STRN4: variants seen among roughly 807,000 people sequenced by gnomAD.
STRN4 encodes the protein striatin 4.
Under a neutral mutation model 77.9 loss-of-function variants are expected in STRN4, and 27 were observed. The observed-to-expected ratio is 0.35, with a 90% CI of 0.26 to 0.48. The LOEUF (loss-of-function observed/expected upper bound fraction) is 0.48. STRN4 is among the 20% of genes least tolerant of loss of function. STRN4 has a pLI of 0.99. For synonymous variants in STRN4, 466 were observed against 443.1 expected (o/e 1.05, Z -0.65); for missense variants, 798 against 1,049.7 (o/e 0.76, Z 3.31).
At chr19:46,736,979 C>A in intron 3 of STRN4, 78 bp from the exon 4 acceptor site, 1 of 1,450,168 alleles carries the variant, frequency 6.9e-7, no homozygotes, top group Non-Finnish European at 9.6e-7. Context: ...CTTCCTCACC[C>A]CTCCAACCCA....
intron 1 of STRN4, 107 bp downstream of exon 1, chr19:46,746,042 G>T: frequency 1.1e-6 from 1 of 919,680 alleles, no homozygotes; most frequent in Non-Finnish European, 1.4e-6. Context: ...CCCCCCCGCC[G>T]GCCGTCCCGG....
At chr19:46,729,210 A>C (rs533834295) in intron 6 of STRN4, among the ~76,000 whole-genome samples, 10 of 152,126 alleles carry the variant, frequency 6.6e-5, no homozygotes, top group Non-Finnish European at 1.5e-5. Flanking sequence ...AGCAAATTCC[A>C]CTCACTGAAT....
intron 3 of STRN4, among the ~76,000 whole-genome samples, chr19:46,737,422 C>T (rs2054388730): frequency 6.6e-6 from 1 of 152,178 alleles, no homozygotes. Flanking sequence ...AAAGACCTGC[C>T]CTTGTGGAAC....
intron 1 of STRN4, 95 bp downstream of exon 1, chr19:46,746,054 G>C: frequency 3.4e-6 from 4 of 1,172,850 alleles, no homozygotes; most frequent in African/African-American, 1.7e-5. Flanking sequence ...CCGTCCCGGC[G>C]GCCATTGCTC....
At position 46,745,465 on chromosome 19, in the gene STRN4, C is replaced by T. The variant is rs2054565497; in HGVS notation, c.282+684G>A. Among the ~76,000 whole-genome samples, 4 of 152,140 alleles carry T rather than the reference C, an allele frequency of 2.6e-5. No homozygotes were observed. The South Asian group carries it at 8.3e-4, about 31-fold the overall frequency. On this transcript the variant is annotated intron_variant, in intron 1 of 17. Coordinates refer to ENST00000263280, the MANE Select transcript of STRN4 (RefSeq NM_013403.3). ...GGACCCCTTGAAACCCTCCTCCCAC[C>T]CCTCGGGTCCTTACACAGCCCTCCT...
At chr19:46,740,872 A>G (rs1044298170) in intron 1 of STRN4, among the ~76,000 whole-genome samples, 2 of 152,276 alleles carry the variant, frequency 1.3e-5, no homozygotes, top group East Asian at 3.9e-4. Context: ...AAGAGGCGAC[A>G]ATTCAGCTAA....
At chr19:46,744,333 C>A (rs945792774) in intron 1 of STRN4, among the ~76,000 whole-genome samples, 4 of 152,202 alleles carry the variant, frequency 2.6e-5, no homozygotes, top group African/African-American at 9.7e-5. Flanking sequence ...CCTCAGCCAC[C>A]ACAAGTGAGG....
Position 46,729,892 on chromosome 19 carries a change from T to G in STRN4, c.879+840A>C, listed in dbSNP as rs1178900325. ...AAGACAAAGAAGTGTGGGCCAGAACTCACGCAGCTGGGCCAGGGCCCCCTG... is the reference window on the plus strand; with the variant it reads ...AAGACAAAGAAGTGTGGGCCAGAACGCACGCAGCTGGGCCAGGGCCCCCTG... On this transcript the variant is annotated intron_variant, in intron 6 of 17. Coordinates refer to ENST00000263280, the MANE Select transcript of STRN4 (RefSeq NM_013403.3). Among the ~76,000 whole-genome samples the G allele has an allele frequency of 2.0e-5, 3 of 152,056 alleles. No homozygotes were observed. In the East Asian group the frequency reaches 5.8e-4, roughly 29 times the overall value.
chr19:46,720,651 G>A lies in STRN4; in HGVS notation c.2213C>T (p.Ala738Val). The change falls in exon 17 of 18, where the codon GCC becomes GTC. Residue 738 changes from alanine (A) to valine (V), a missense_variant. By Grantham distance (64) the Ala-to-Val change is moderately conservative. This residue lies in a region of STRN4 where 287 missense variants were observed against 473.8 expected (regional missense o/e 0.61). Transcript: ENST00000263280. Reference protein sequence around the residue: ...IHAVACHPSKALIASAGADAL... With the variant: ...IHAVACHPSKVLIASAGADAL... The stretch of plus-strand genomic sequence containing the variant: ...ATCAGCGCCAGCACTGGCAATGAGG[G>A]CCTTGCTGGGGTGGCAGGCAACAGC... The A allele has an allele frequency of 1.2e-6, 2 of 1,608,988 alleles. No homozygotes were observed. Among genetic ancestry groups the A allele is most frequent in the Non-Finnish European group, 8.5e-7 (1 of 1,177,176 alleles).
intron 17 of STRN4, 40 bp downstream of exon 17, chr19:46,720,496 G>C (rs1260528507): frequency 1.5e-6 from 2 of 1,303,964 alleles, no homozygotes; most frequent in Non-Finnish European, 2.0e-6. Flanking sequence ...TACTAGGCAT[G>C]GGCGTGCAGA....
rs2054021145 is a variant in STRN4, at chr19:46,723,147, G to T, written c.1732C>A (p.Pro578Thr). The change falls in exon 13 of 18, where the codon CCG becomes ACG. Residue 578 changes from proline (P) to threonine (T), a missense_variant. By Grantham distance (38) the Pro-to-Thr change is conservative (BLOSUM62 -1). Transcript: ENST00000263280. The surrounding 1 kb of genome is among the most constrained non-coding windows in gnomAD (Gnocchi z 5.5). ...VRIWDPSSSS[P>T]ACLCTFPTAS... ...GTGGGGAAGGTGCAGAGGCAGGCCGGGCTGCTGCTGCTGGGGTCCCAGATG... is the reference window on the plus strand; with the variant it reads ...GTGGGGAAGGTGCAGAGGCAGGCCGTGCTGCTGCTGCTGGGGTCCCAGATG... 1 of 1,567,098 alleles carries T rather than the reference G, an allele frequency of 6.4e-7. No individual in the cohort carries two copies. Among genetic ancestry groups the T allele is most frequent in the Non-Finnish European group, 8.6e-7 (1 of 1,156,986 alleles).
At chr19:46,742,067 G>A (rs1027941342) in intron 1 of STRN4, among the ~76,000 whole-genome samples, 1 of 152,206 alleles carries the variant, frequency 6.6e-6, no homozygotes, top group African/African-American at 2.4e-5. Context: ...AGTTGCCACA[G>A]AACAGGGGCA....
chr19:46,724,745 G>A (rs2054066959), intron 12 of STRN4, 62 bp downstream of exon 12: 1 of 1,610,984 alleles, frequency 6.2e-7, no homozygotes, highest in Non-Finnish European at 8.5e-7. Context: ...ACGTGTGTGT[G>A]CGTGGAGGGG....
At chr19:46,742,184 C>T (rs1224685399) in intron 1 of STRN4, among the ~76,000 whole-genome samples, 3 of 152,162 alleles carry the variant, frequency 2.0e-5, no homozygotes, top group Non-Finnish European at 2.9e-5. Flanking sequence ...AACCACGTTA[C>T]TTACTTCTCA....
chr19:46,735,051 A>C (rs1265702784), intron 4 of STRN4, among the ~76,000 whole-genome samples: 2 of 152,054 alleles, frequency 1.3e-5, no homozygotes, highest in Non-Finnish European at 2.9e-5. Context: ...CACACCTGTA[A>C]TCCCAGCAGT....
At position 46,733,458 on chromosome 19, in the gene STRN4, T is replaced by G. The variant is rs996692277; in HGVS notation, c.540-222A>C. The G allele has an allele frequency of 1.8e-6, 1 of 548,224 alleles. No homozygotes were observed. Among genetic ancestry groups the G allele is most frequent in the African/African-American group, 1.9e-5 (1 of 52,770 alleles). The allele number at this position is 548,224 out of a possible 1,614,324, so 34.0% of individuals were successfully genotyped here. Reference sequence around the variant, plus strand: ...CTATGTGTGAGGGTGCTCCCTGCACTGCTGTATGGGGAAGCCGAAGCACAG... The same window carrying G: ...CTATGTGTGAGGGTGCTCCCTGCACGGCTGTATGGGGAAGCCGAAGCACAG... On this transcript the variant is annotated intron_variant, in intron 4 of 17. Transcript: ENST00000263280. The surrounding 1 kb of genome is among the most constrained non-coding windows in gnomAD (Gnocchi z 4.3).
At chr19:46,743,665 C>T (rs563677054) in intron 1 of STRN4, among the ~76,000 whole-genome samples, 4 of 152,012 alleles carry the variant, frequency 2.6e-5, no homozygotes, top group Non-Finnish European at 5.9e-5. Context: ...TTTGGGAGGC[C>T]GAGGCAGGTG....
At chr19:46,742,243 C>T (rs1195645825) in intron 1 of STRN4, among the ~76,000 whole-genome samples, 1 of 152,190 alleles carries the variant, frequency 6.6e-6, no homozygotes, top group Non-Finnish European at 1.5e-5. Flanking sequence ...TGCAGCTCCG[C>T]CACCTTCCTG....
rs2054481342 is a variant in STRN4 at position 46,741,896 on chromosome 19, G to A, written c.283-3008C>T. Reference sequence around the variant, plus strand: ...TCCCAAGCTTCAGCAGCTGCTGGCAGGAATGGGCCCCCAGGAAGCTGAAGT... The same window carrying A: ...TCCCAAGCTTCAGCAGCTGCTGGCAAGAATGGGCCCCCAGGAAGCTGAAGT... On this transcript the variant is annotated intron_variant, in intron 1 of 17. Transcript: ENST00000263280. The surrounding 1 kb of genome is among the most constrained non-coding windows in gnomAD (Gnocchi z 4.9). 6.6e-6 allele frequency among the ~76,000 whole-genome samples: 1 copy of A among 152,240 alleles called. No homozygotes were observed. Among genetic ancestry groups the A allele is most frequent in the African/African-American group, 2.4e-5 (1 of 41,452 alleles).
Sources: allele counts gnomAD v4.1 joint callset (sites outside exome capture counted in the v4.1 genomes callset), GRCh38; gene constraint gnomAD v4.1.1; regional missense constraint gnomAD v4.1.1; non-coding constraint Gnocchi (gnomAD v3.1); transcripts MANE v1.5; gene names NCBI Gene and HGNC (gene_info 2026-07-23, HGNC 2026-07-21).